PRDM6: variants seen among roughly 807,000 people sequenced by gnomAD.
PRDM6 encodes PR/SET domain 6.
A neutral mutation model predicts 60.8 loss-of-function variants in PRDM6; 25 were observed. That is an observed-to-expected ratio of 0.41 (90% CI 0.30 to 0.57). The LOEUF (loss-of-function observed/expected upper bound fraction) is 0.57, where lower values mean the gene tolerates loss of function less well. PRDM6 is among the 20% of genes least tolerant of loss of function. The pLI is 0.27. For missense variants in PRDM6, 839 were observed against 821.3 expected, an observed-to-expected ratio of 1.02 and a Z score of -0.26; for synonymous variants, 407 against 357.4, an observed-to-expected ratio of 1.14 and a Z score of -1.57.
intron 3 of PRDM6, among the ~76,000 whole-genome samples, chr5:123,110,811 C>T (rs568956804): frequency 1.2e-3 from 189 of 152,096 alleles, no homozygotes; most frequent in Admixed American, 1.8e-3. Flanking sequence ...GTGATCTGCC[C>T]GCCTCGGCTT....
Position 123,192,394 on chromosome 5 carries a change from T to C in PRDM6, c.*5193T>C, listed in dbSNP as rs1766450377. The C allele has an allele frequency of 2.0e-5, 3 of 152,332 alleles. No homozygotes were observed. The South Asian group carries it at 6.2e-4, about 32-fold the overall frequency. 9.4% of individuals were successfully genotyped at this position (152,332 alleles called of 1,614,324 possible). On this transcript the variant is annotated 3_prime_UTR_variant, in exon 8 of 8. Coordinates refer to ENST00000407847, the MANE Select transcript of PRDM6 (RefSeq NM_001136239.4). ...ATACTTCTCTATGTAAAGCTTTTTT[T>C]TGAGAACAAGAGCTTTTAAAAATTA...
chr5:123,142,877 C>CAAAAA, intron 3 of PRDM6, among the ~76,000 whole-genome samples: 146 of 27,174 alleles, frequency 5.4e-3, no homozygotes, highest in Non-Finnish European at 5.9e-3. Flanking sequence ...CAGTGAAGAC[C>CAAAAA]AAAAAAAAAA....
chr5:123,122,289 A>G (rs79860488), intron 3 of PRDM6, among the ~76,000 whole-genome samples: 3,285 of 152,272 alleles, frequency 0.022, 112 homozygotes, highest in African/African-American at 0.073. Flanking sequence ...CTGATAGACA[A>G]ACAGCCTTGA....
chr5:123,164,401 G>T (rs1011910780), intron 5 of PRDM6, among the ~76,000 whole-genome samples: 13 of 152,130 alleles, frequency 8.5e-5, no homozygotes, highest in African/African-American at 2.7e-4. Flanking sequence ...GTAAGCTAAG[G>T]AACTGTCCAT....
At chr5:123,156,745 T>A (rs1363290031) in intron 4 of PRDM6, among the ~76,000 whole-genome samples, 1 of 152,140 alleles carries the variant, frequency 6.6e-6, no homozygotes, top group East Asian at 1.9e-4. Context: ...CAGGGTGGAT[T>A]CCCCGGACAC....
At chr5:123,156,561 G>C (rs866442126) in intron 4 of PRDM6, among the ~76,000 whole-genome samples, 8 of 152,176 alleles carry the variant, frequency 5.3e-5, no homozygotes, top group Non-Finnish European at 7.3e-5. Flanking sequence ...CAGTGGGTTT[G>C]GCCCTTTGAT....
At chr5:123,169,251 A>T (rs1765830937) in intron 5 of PRDM6, among the ~76,000 whole-genome samples, 1 of 152,250 alleles carries the variant, frequency 6.6e-6, no homozygotes, top group East Asian at 1.9e-4. Context: ...ATTAGGTTCT[A>T]ATCACTTCTG....
chr5:123,123,817 CT>C lies in PRDM6; in HGVS notation c.900+23857del, dbSNP rs142732497. Among the ~76,000 whole-genome samples the C allele has an allele frequency of 4.8e-3, 733 of 152,246 alleles. 7 individuals carry two copies. The highest frequency in any genetic ancestry group is 0.017 in the African/African-American group (691 of 41,516). On this transcript the variant is annotated intron_variant, in intron 3 of 7. Coordinates refer to ENST00000407847, the MANE Select transcript of PRDM6 (RefSeq NM_001136239.4). ...GCTTTTCTGGCTGCCTCAGTCCTGT[CT>C]CTTGTATCAGATGAGAGTTCTATGG...
intron 3 of PRDM6, among the ~76,000 whole-genome samples, chr5:123,126,358 C>T (rs974701690): frequency 2.0e-5 from 3 of 151,412 alleles, no homozygotes; most frequent in African/African-American, 7.3e-5. Context: ...GGTGAGTGAC[C>T]GCTTAAAAGT....
chr5:123,170,671 A>G (rs1765866570), intron 5 of PRDM6, 95 bp from the exon 6 acceptor site: 1 of 923,874 alleles, frequency 1.1e-6, no homozygotes, highest in Non-Finnish European at 1.6e-6. Context: ...AAATTCTTAA[A>G]AGGTTGATTT....
At chr5:123,114,471 T>C (rs1351468936) in intron 3 of PRDM6, among the ~76,000 whole-genome samples, 1 of 152,228 alleles carries the variant, frequency 6.6e-6, no homozygotes, top group Non-Finnish European at 1.5e-5. Context: ...TCACTTTCCT[T>C]CCAGCATCCC....
chr5:123,172,220 C>T lies in PRDM6; in HGVS notation c.1496+1112C>T, dbSNP rs551093840. ...GCAGAGGCAGGGAGGATGGAGGTGG[C>T]GGGGAGAGGGAGTGGATATTTTGTA... On this transcript the variant is annotated intron_variant, in intron 6 of 7. Coordinates refer to ENST00000407847, the MANE Select transcript of PRDM6 (RefSeq NM_001136239.4). 7.0e-4 allele frequency among the ~76,000 whole-genome samples: 106 copies of T among 152,006 alleles called. 1 individual carries two copies. In the Middle Eastern group the frequency reaches 0.01, roughly 15 times the overall value.
intron 3 of PRDM6, among the ~76,000 whole-genome samples, chr5:123,103,782 A>G (rs2150209585): frequency 6.6e-6 from 1 of 152,212 alleles, no homozygotes; most frequent in African/African-American, 2.4e-5. Flanking sequence ...AAATAAGGTT[A>G]CAGTTTAAGA....
intron 5 of PRDM6, among the ~76,000 whole-genome samples, chr5:123,160,516 T>C (rs1765603693): frequency 6.6e-6 from 1 of 152,236 alleles, no homozygotes. Flanking sequence ...CTTTTGATAA[T>C]GGATAAGAAA....
chr5:123,131,145 G>A (rs896505906), intron 3 of PRDM6, among the ~76,000 whole-genome samples: 1 of 138,036 alleles, frequency 7.2e-6, no homozygotes, highest in Admixed American at 7.0e-5. Context: ...TCTAATGGAA[G>A]CAGTGAATAA....
At chr5:123,171,164 C>T (rs553263895) in intron 6 of PRDM6, 56 bp downstream of exon 6, 332 of 1,393,532 alleles carry the variant, frequency 2.4e-4, no homozygotes, top group Non-Finnish European at 3.0e-4. Context: ...CCACTGCTTG[C>T]CTTCCCGCCA....
intron 3 of PRDM6, among the ~76,000 whole-genome samples, chr5:123,142,452 G>T (rs1259853241): frequency 6.6e-6 from 1 of 152,062 alleles, no homozygotes; most frequent in South Asian, 2.1e-4. Flanking sequence ...GTAAGCCAGA[G>T]GAAGATTAAC....
chr5:123,112,485 G>A (rs1764335079), intron 3 of PRDM6, among the ~76,000 whole-genome samples: 3 of 152,120 alleles, frequency 2.0e-5, no homozygotes, highest in South Asian at 2.1e-4. Context: ...GAAGTCATCC[G>A]AGCATGTAGC....
intron 3 of PRDM6, among the ~76,000 whole-genome samples, chr5:123,148,109 AC>A (rs1463646090): frequency 1.3e-5 from 2 of 152,200 alleles, no homozygotes; most frequent in Non-Finnish European, 2.9e-5. Flanking sequence ...ACACTTTTCA[AC>A]TGTTTTTCTG....
Sources: allele counts gnomAD v4.1 joint callset (sites outside exome capture counted in the v4.1 genomes callset), GRCh38; gene constraint gnomAD v4.1.1; transcripts MANE v1.5; gene names NCBI Gene and HGNC (gene_info 2026-07-23, HGNC 2026-07-21).